ZSWIM6: variants seen among roughly 807,000 people sequenced by gnomAD.
ZSWIM6 encodes the protein zinc finger SWIM-type containing 6.
ZSWIM6 carries 9 observed loss-of-function variants against 113.2 expected under a neutral mutation model. The observed-to-expected ratio is 0.08, with a 90% confidence interval of 0.05 to 0.14. ZSWIM6 has a LOEUF of 0.14. ZSWIM6 is among the 10% of genes least tolerant of loss of function. The probability of loss-of-function intolerance (pLI) is 1.00; values close to 1 mark genes in which losing one functional copy is unlikely to be tolerated. For missense variants in ZSWIM6, 1,162 were observed against 1,552.2 expected, an observed-to-expected ratio of 0.75 and a Z score of 4.22; for synonymous variants, 611 against 606.5, an observed-to-expected ratio of 1.01 and a Z score of -0.11.
At chr5:61,494,157 G>A in intron 3 of ZSWIM6, 103 bp from the exon 4 acceptor site, 1 of 1,260,972 alleles carries the variant, frequency 7.9e-7, no homozygotes, top group Non-Finnish European at 1.1e-6. Flanking sequence ...GAGAGAGAGA[G>A]AGAGAAACAG....
chr5:61,535,443 A>G (rs1205266001), intron 9 of ZSWIM6, 41 bp from the exon 10 acceptor site: 10 of 1,546,074 alleles, frequency 6.5e-6, no homozygotes, highest in African/African-American at 2.7e-5. Flanking sequence ...GTGTTAGTTC[A>G]TTTTTTAGGA....
intron 1 of ZSWIM6, among the ~76,000 whole-genome samples, chr5:61,458,483 C>A (rs989963482): frequency 1.3e-5 from 2 of 152,068 alleles, no homozygotes; most frequent in Non-Finnish European, 2.9e-5. Flanking sequence ...CATCTGTTGC[C>A]CTTTTTCAGA....
At chr5:61,383,385 G>T (rs1745524633) in intron 1 of ZSWIM6, among the ~76,000 whole-genome samples, 1 of 152,142 alleles carries the variant, frequency 6.6e-6, no homozygotes, top group Non-Finnish European at 1.5e-5. Flanking sequence ...CCATGTGCCT[G>T]GCTGGCTTTC....
At chr5:61,377,890 T>C (rs371541633) in intron 1 of ZSWIM6, among the ~76,000 whole-genome samples, 13 of 152,178 alleles carry the variant, frequency 8.5e-5, no homozygotes, top group African/African-American at 3.1e-4. Context: ...AAATGAGAGA[T>C]AAATGTACAT....
At chr5:61,529,962 C>A in intron 7 of ZSWIM6, 90 bp from the exon 8 acceptor site, 1 of 1,150,356 alleles carries the variant, frequency 8.7e-7, no homozygotes, top group Non-Finnish European at 1.2e-6. Context: ...CAGGATGCTG[C>A]TATTAAATGG....
At chr5:61,434,748 CAT>C (rs539729252) in intron 1 of ZSWIM6, among the ~76,000 whole-genome samples, 75 of 152,138 alleles carry the variant, frequency 4.9e-4, no homozygotes, top group Admixed American at 1.2e-3. Context: ...ACTGCTATAA[CAT>C]GTGTGTGCAA....
intron 2 of ZSWIM6, among the ~76,000 whole-genome samples, chr5:61,488,865 A>G (rs573087932): frequency 6.6e-6 from 1 of 151,918 alleles, no homozygotes; most frequent in African/African-American, 2.4e-5. Flanking sequence ...TTATGGCTGC[A>G]TAATATTTCA....
intron 1 of ZSWIM6, among the ~76,000 whole-genome samples, chr5:61,409,081 T>G (rs1006997766): frequency 1.7e-5 from 2 of 120,352 alleles, no homozygotes; most frequent in Non-Finnish European, 3.4e-5. Context: ...GTTTTTTTTT[T>G]TTTTTTTTTT....
At chr5:61,528,591 CTTTT>C (rs577009372) in intron 7 of ZSWIM6, among the ~76,000 whole-genome samples, 1 of 143,720 alleles carries the variant, frequency 7.0e-6, no homozygotes, top group African/African-American at 2.5e-5. Context: ...CGTTTTTCCT[CTTTT>C]TTTTTTTTTT....
At chr5:61,397,998 T>G (rs1283023958) in intron 1 of ZSWIM6, among the ~76,000 whole-genome samples, 3 of 152,214 alleles carry the variant, frequency 2.0e-5, no homozygotes, top group African/African-American at 7.2e-5. Flanking sequence ...AAGCCTCTGG[T>G]TGCAAAATAG....
intron 1 of ZSWIM6, chr5:61,390,545 C>A (rs947081478): frequency 6.1e-6 from 3 of 489,944 alleles, no homozygotes; most frequent in Non-Finnish European, 3.8e-6. Flanking sequence ...CTCTGGAGAG[C>A]CTACAAAAGT....
chr5:61,454,820 A>G (rs1747167380), intron 1 of ZSWIM6, among the ~76,000 whole-genome samples: 1 of 151,206 alleles, frequency 6.6e-6, no homozygotes, highest in Non-Finnish European at 1.5e-5. Context: ...CTGACCTGAA[A>G]TGATCCACCC....
At chr5:61,380,379 A>G (rs542808167) in intron 1 of ZSWIM6, among the ~76,000 whole-genome samples, 1 of 152,312 alleles carries the variant, frequency 6.6e-6, no homozygotes, top group East Asian at 1.9e-4. Flanking sequence ...CCCAGCCCAC[A>G]GACAGTCATT....
intron 1 of ZSWIM6, among the ~76,000 whole-genome samples, chr5:61,377,499 A>T (rs1323660578): frequency 6.6e-6 from 1 of 152,150 alleles, no homozygotes; most frequent in African/African-American, 2.4e-5. Flanking sequence ...CTGGCGGATC[A>T]CGAGGTCAGG....
At chr5:61,456,070 A>G (rs1410648440) in intron 1 of ZSWIM6, among the ~76,000 whole-genome samples, 2 of 152,126 alleles carry the variant, frequency 1.3e-5, no homozygotes, top group Non-Finnish European at 2.9e-5. Flanking sequence ...TTATGCCAGC[A>G]TAGTCTTCCC....
At chr5:61,375,269 A>C in intron 1 of ZSWIM6, 4 of 1,612,258 alleles carry the variant, frequency 2.5e-6, no homozygotes, top group Admixed American at 1.7e-5. Flanking sequence ...AAGGAAAAGA[A>C]AGGCTCCAAG....
At chr5:61,456,907 T>TG (rs1377837618) in intron 1 of ZSWIM6, among the ~76,000 whole-genome samples, 1 of 151,858 alleles carries the variant, frequency 6.6e-6, no homozygotes, top group Non-Finnish European at 1.5e-5. Flanking sequence ...TTTTTTCTTT[T>TG]TTTTATTATT....
chr5:61,427,191 T>C (rs1454064692), intron 1 of ZSWIM6, among the ~76,000 whole-genome samples: 2 of 152,214 alleles, frequency 1.3e-5, no homozygotes, highest in Admixed American at 6.5e-5. Flanking sequence ...ATATATACAG[T>C]CATCAGTCAT....
At chr5:61,394,017 C>G (rs912800243) in intron 1 of ZSWIM6, among the ~76,000 whole-genome samples, 6 of 152,082 alleles carry the variant, frequency 3.9e-5, no homozygotes, top group African/African-American at 1.2e-4. Flanking sequence ...ACATTGTTGG[C>G]TGGTTGAATT....
Sources: gnomAD v4.1 joint callset for allele counts (sites outside exome capture counted in the v4.1 genomes callset) on GRCh38, gnomAD v4.1.1 for gene constraint, MANE v1.5 for transcripts, NCBI Gene and HGNC (gene_info 2026-07-23, HGNC 2026-07-21) for gene names.